The following SUPT20HL1 variants were observed in gnomAD, a reference collection of about 807,000 sequenced individuals.
SUPT20HL1 encodes SUPT20H like 1.
For synonymous variants in SUPT20HL1, 133 were observed against 79.2 expected, an observed-to-expected ratio of 1.68 and a Z score of -3.61; for missense variants, 277 against 200.3, an observed-to-expected ratio of 1.38 and a Z score of -2.31.
rs952187647 is a variant in SUPT20HL1, at chrX:24,361,229, C to G, written c.-1532C>G. Among the ~76,000 whole-genome samples the G allele has an allele frequency of 1.8e-5, 2 of 112,555 alleles. No individual in the cohort carries two copies. Among genetic ancestry groups the G allele is most frequent in the Non-Finnish European group, 3.8e-5 (2 of 53,298 alleles). ...GATTAGCACCCAAAGAAACTACTCC[C>G]ACTCAAATCCTCTCCTCCGGGAATG... On this transcript the variant is annotated 5_prime_UTR_variant, in exon 1 of 1. Coordinates refer to ENST00000686983, the MANE Select transcript of SUPT20HL1 (RefSeq NM_001136234.3).
rs1315769385 is a variant in SUPT20HL1, at chrX:24,365,503, G to GT, written c.*89dup. 0.014 allele frequency: 3,162 copies of GT among 233,568 alleles called. No individual in the cohort carries two copies. The highest frequency in any genetic ancestry group is 0.017 in the Admixed American group (349 of 20,224). The allele number at this position is 233,568 out of a possible 1,213,427, so 19.2% of individuals were successfully genotyped here. On this transcript the variant is annotated 3_prime_UTR_variant, in exon 1 of 1. Coordinates refer to ENST00000686983, the MANE Select transcript of SUPT20HL1 (RefSeq NM_001136234.3). The stretch of plus-strand genomic sequence containing the variant: ...ATTTCCCAGTTTTTACTTGAGTTTT[G>GT]TTTTTTTTTTCATGTTTCGGTATTT...
Position 24,365,184 on chromosome X carries a change from G to A in SUPT20HL1, c.2424G>A (p.Gln808=). The stretch of plus-strand genomic sequence containing the variant: ...CGCAGTGGCAGCCAAAGCCACGGCA[G>A]GAGCAGCCACAGTCGCAGCAGCAGC... ...LQPQWQPKPR[Q]EQPQSQQQQP... Residue 808 remains glutamine, a synonymous_variant, in exon 1 of 1, where the codon CAG becomes CAA. Transcript: ENST00000686983. The A allele has an allele frequency of 2.9e-6, 1 of 349,596 alleles. No individual in the cohort carries two copies. The highest frequency in any genetic ancestry group is 5.7e-6 in the Non-Finnish European group (1 of 174,051). 28.8% of individuals were successfully genotyped at this position (349,596 alleles called of 1,213,427 possible). A position where few individuals can be genotyped will look rare whatever the true frequency, so the allele number is the denominator to read the frequency against.
chrX:24,361,338 C>T lies in SUPT20HL1; in HGVS notation c.-1423C>T, dbSNP rs1939425767. On this transcript the variant is annotated 5_prime_UTR_variant, in exon 1 of 1. Coordinates refer to ENST00000686983, the MANE Select transcript of SUPT20HL1 (RefSeq NM_001136234.3). The stretch of plus-strand genomic sequence containing the variant: ...CCCATGGCAGGGTGGGCAGATATAC[C>T]TCTCTAATAAGTGAGATGCACCCTG... Among the ~76,000 whole-genome samples the T allele has an allele frequency of 8.9e-6, 1 of 112,197 alleles. No individual in the cohort carries two copies. The highest frequency in any genetic ancestry group is 9.4e-5 in the Admixed American group (1 of 10,639).
rs1207577 is a variant in SUPT20HL1 at position 24,363,270 on chromosome X, G to C, written c.510G>C (p.Thr170=). The change falls in exon 1 of 1, where the codon ACG becomes ACC. Residue 170 remains threonine, a synonymous_variant. Coordinates refer to ENST00000686983, the MANE Select transcript of SUPT20HL1 (RefSeq NM_001136234.3). Reference sequence around the variant, plus strand: ...GCAGGCATATTCTTCTACGTCCAACGATGCAGACTTTAGCCCATGATGTGA... The same window carrying C: ...GCAGGCATATTCTTCTACGTCCAACCATGCAGACTTTAGCCCATGATGTGA... The part of the protein sequence containing the change: ...YQSRHILLRP[T]MQTLAHDVKM... The C allele has an allele frequency of 0.4, 152,524 of 382,264 alleles. 21,924 individuals are homozygous for C. Among genetic ancestry groups the C allele is most frequent in the African/African-American group, 0.71 (27,159 of 38,127 alleles). 31.5% of individuals were successfully genotyped at this position (382,264 alleles called of 1,213,427 possible). A position where few individuals can be genotyped will look rare whatever the true frequency, so the allele number is the denominator to read the frequency against.
chrX:24,367,634 C>T lies in SUPT20HL1; in HGVS notation c.*2210C>T, dbSNP rs1170364989. Among the ~76,000 whole-genome samples the T allele has an allele frequency of 3.6e-5, 4 of 112,249 alleles. No individual in the cohort carries two copies. The highest frequency in any genetic ancestry group is 6.5e-5 in the African/African-American group (2 of 30,884). ...ACTTTTAAGAAGCGAACCAGTGCAACGACTGGTTGCAAAGAAGAGTTTCTC... is the reference window on the plus strand; with the variant it reads ...ACTTTTAAGAAGCGAACCAGTGCAATGACTGGTTGCAAAGAAGAGTTTCTC... On this transcript the variant is annotated 3_prime_UTR_variant, in exon 1 of 1. Coordinates refer to ENST00000686983, the MANE Select transcript of SUPT20HL1 (RefSeq NM_001136234.3).
Position 24,364,830 on chromosome X carries a change from G to T in SUPT20HL1, c.2070G>T (p.Pro690=), listed in dbSNP as rs754362622. 5.2e-6 allele frequency: 2 copies of T among 386,795 alleles called. No homozygotes were observed. The highest frequency in any genetic ancestry group is 2.3e-5 in the South Asian group (1 of 42,714). 31.9% of individuals were successfully genotyped at this position (386,795 alleles called of 1,213,427 possible). A position where few individuals can be genotyped will look rare whatever the true frequency, so the allele number is the denominator to read the frequency against. ...GGCCTCTGACACTCCTCCAGGTTCCGCAGGGCTCGGCGGTTCTGACCGGCC... is the reference window on the plus strand; with the variant it reads ...GGCCTCTGACACTCCTCCAGGTTCCTCAGGGCTCGGCGGTTCTGACCGGCC... ...GLRPLTLLQV[P]QGSAVLTGPQ... Residue 690 remains proline (P), a synonymous_variant, in exon 1 of 1, where the codon CCG becomes CCT. Coordinates refer to ENST00000686983, the MANE Select transcript of SUPT20HL1 (RefSeq NM_001136234.3).
chrX:24,365,654 G>A lies in SUPT20HL1; in HGVS notation c.*230G>A, dbSNP rs778578695. ...TCTTTTTGTTGTCATTGCTGCTGTC[G>A]ATATAATTATTTTTAATATAGTGTT... On this transcript the variant is annotated 3_prime_UTR_variant, in exon 1 of 1. Transcript: ENST00000686983. Among the ~76,000 whole-genome samples, 2 of 111,600 alleles carry A rather than the reference G, an allele frequency of 1.8e-5. No individual in the cohort carries two copies. Among genetic ancestry groups the A allele is most frequent in the Admixed American group, 9.5e-5 (1 of 10,542 alleles).
At position 24,365,175 on chromosome X, in the gene SUPT20HL1, G is replaced by C. The variant is rs1939473843; in HGVS notation, c.2415G>C (p.Lys805Asn). 2 of 346,046 alleles carry C rather than the reference G, an allele frequency of 5.8e-6. No individual in the cohort carries two copies. Among genetic ancestry groups the C allele is most frequent in the Non-Finnish European group, 1.2e-5 (2 of 172,678 alleles). The allele number at this position is 346,046 out of a possible 1,213,427, so 28.5% of individuals were successfully genotyped here. ...KLQLQPQWQP[K>N]PRQEQPQSQQ... is the part of the protein sequence containing the mutation. ...AACTGCAACCGCAGTGGCAGCCAAA[G>C]CCACGGCAGGAGCAGCCACAGTCGC... The change falls in exon 1 of 1, where the codon AAG (lysine) becomes AAC (asparagine). Residue 805 changes from lysine (K) to asparagine (N), a missense_variant. Lys to Asn is a moderately conservative substitution (Grantham distance 94, BLOSUM62 0). Transcript: ENST00000686983.
rs930636758 is a variant in SUPT20HL1, at chrX:24,360,816, G to A, written c.-1945G>A. ...TCACTCATCTTCAGTCCTAAATGCAGCAAATGCTGCCGGTGCCCTGTCCAT... is the reference window on the plus strand; with the variant it reads ...TCACTCATCTTCAGTCCTAAATGCAACAAATGCTGCCGGTGCCCTGTCCAT... On this transcript the variant is annotated 5_prime_UTR_variant, in exon 1 of 1. Transcript: ENST00000686983. Among the ~76,000 whole-genome samples the A allele has an allele frequency of 8.9e-6, 1 of 111,796 alleles. No homozygotes were observed. The highest frequency in any genetic ancestry group is 1.9e-5 in the Non-Finnish European group (1 of 53,178).
rs1939479631 is a variant in SUPT20HL1 at position 24,365,726 on chromosome X, G to A, written c.*302G>A. Among the ~76,000 whole-genome samples, 1 of 111,798 alleles carries A rather than the reference G, an allele frequency of 8.9e-6. No homozygotes were observed. Among genetic ancestry groups the A allele is most frequent in the Non-Finnish European group, 1.9e-5 (1 of 53,217 alleles). On this transcript the variant is annotated 3_prime_UTR_variant, in exon 1 of 1. Coordinates refer to ENST00000686983, the MANE Select transcript of SUPT20HL1 (RefSeq NM_001136234.3). ...CAGTTTGAGTCTAAACTCGTGAAAC[G>A]TATAATTTCTCTAAAGCCGTAAAAT...
In SUPT20HL1 at chrX:24,364,604, G is replaced by A; in HGVS notation, c.1844G>A (p.Gly615Asp). Residue 615 changes from glycine (G) to aspartate (D), a missense_variant, in exon 1 of 1, where the codon GGC (glycine) becomes GAC (aspartate). Coordinates refer to ENST00000686983, the MANE Select transcript of SUPT20HL1 (RefSeq NM_001136234.3). Reference sequence around the variant, plus strand: ...GGCCTAAAGGCCATCAATGTGGAGGGCCCAGTCCAGGGAGCCCAGGCTTTG... The same window carrying A: ...GGCCTAAAGGCCATCAATGTGGAGGACCCAGTCCAGGGAGCCCAGGCTTTG... ...STGLKAINVE[G>D]PVQGAQALGS... 1.9e-6 allele frequency: 1 copy of A among 514,651 alleles called. No homozygotes were observed. The highest frequency in any genetic ancestry group is 3.6e-6 in the Non-Finnish European group (1 of 275,235). 42.4% of individuals were successfully genotyped at this position (514,651 alleles called of 1,213,427 possible).
Position 24,367,473 on chromosome X carries a change from T to C in SUPT20HL1, c.*2049T>C, listed in dbSNP as rs914734021. Among the ~76,000 whole-genome samples the C allele has an allele frequency of 9.8e-5, 11 of 112,566 alleles. No homozygotes were observed. The highest frequency in any genetic ancestry group is 3.6e-4 in the African/African-American group (11 of 30,952). ...GAGGCAGGTAACTGGTTAATCTTAC[T>C]TGACAAAACCTATTACTAATGTGCT... On this transcript the variant is annotated 3_prime_UTR_variant, in exon 1 of 1. Transcript: ENST00000686983.
rs1420328330 is a variant in SUPT20HL1, at chrX:24,367,124, T to C, written c.*1700T>C. On this transcript the variant is annotated 3_prime_UTR_variant, in exon 1 of 1. Transcript: ENST00000686983. ...CGGCATAATGTTTTTGAAGTTCATC[T>C]ATGTTGTAAAATGTATTGCTAATTC... 2.7e-5 allele frequency among the ~76,000 whole-genome samples: 3 copies of C among 112,481 alleles called. No homozygotes were observed. Among genetic ancestry groups the C allele is most frequent in the African/African-American group, 9.7e-5 (3 of 30,874 alleles).
In SUPT20HL1 at chrX:24,364,374, A is replaced by AGCT. The variant is rs748810658; in HGVS notation, c.1627_1629dup (p.Ala543dup). ...TAGCTGCTGCTGCTGCTCCTGCTCTAGCTGCTGCTGCTGCTCCTGCTCCTG... is the reference window on the plus strand; with the variant it reads ...TAGCTGCTGCTGCTGCTCCTGCTCTAGCTGCTGCTGCTGCTGCTCCTGCTCCTG... On this transcript the variant is annotated inframe_insertion, in exon 1 of 1. Coordinates refer to ENST00000686983, the MANE Select transcript of SUPT20HL1 (RefSeq NM_001136234.3). The AGCT allele has an allele frequency of 1.8e-6, 1 of 549,264 alleles. No homozygotes were observed. Among genetic ancestry groups the AGCT allele is most frequent in the Admixed American group, 3.3e-5 (1 of 29,851 alleles). 45.3% of individuals were successfully genotyped at this position (549,264 alleles called of 1,213,427 possible).
chrX:24,362,013 A>G lies in SUPT20HL1; in HGVS notation c.-748A>G, dbSNP rs1939430281. Among the ~76,000 whole-genome samples, 1 of 112,486 alleles carries G rather than the reference A, an allele frequency of 8.9e-6. No homozygotes were observed. Among genetic ancestry groups the G allele is most frequent in the Admixed American group, 9.4e-5 (1 of 10,655 alleles). ...TTGCAACTGATGGCAAGAGATTCCA[A>G]AAGTGCCAACAATTGTTGAAGTTTC... On this transcript the variant is annotated 5_prime_UTR_variant, in exon 1 of 1. Transcript: ENST00000686983.
In SUPT20HL1 at chrX:24,361,077, G is replaced by A; in HGVS notation, c.-1684G>A. Reference sequence around the variant, plus strand: ...GACGGGACAATCTGAGGCTTATTCTGTACTGTCTTCCAAGGTCCCCAGCAT... The same window carrying A: ...GACGGGACAATCTGAGGCTTATTCTATACTGTCTTCCAAGGTCCCCAGCAT... On this transcript the variant is annotated 5_prime_UTR_variant, in exon 1 of 1. Transcript: ENST00000686983. Among the ~76,000 whole-genome samples, 1 of 112,460 alleles carries A rather than the reference G, an allele frequency of 8.9e-6. No homozygotes were observed. Among genetic ancestry groups the A allele is most frequent in the Non-Finnish European group, 1.9e-5 (1 of 53,272 alleles).
rs1294095255 is a variant in SUPT20HL1 at position 24,366,408 on chromosome X, T to C, written c.*984T>C. Among the ~76,000 whole-genome samples the C allele has an allele frequency of 8.9e-6, 1 of 112,196 alleles. No individual in the cohort carries two copies. Among genetic ancestry groups the C allele is most frequent in the Non-Finnish European group, 1.9e-5 (1 of 53,263 alleles). ...AATACATGGAAGACCTCTAAAGCTG[T>C]GGAATGGAATTAGTGGCAGATTTGC... On this transcript the variant is annotated 3_prime_UTR_variant, in exon 1 of 1. Coordinates refer to ENST00000686983, the MANE Select transcript of SUPT20HL1 (RefSeq NM_001136234.3).
Position 24,365,943 on chromosome X carries a change from C to T in SUPT20HL1, c.*519C>T, listed in dbSNP as rs982840664. ...ATCCCCACGGTTGTGCCGCAGATCT[C>T]GAGACCATCTTGCAACACTGAAACT... is the stretch of plus-strand genomic sequence containing the variant. On this transcript the variant is annotated 3_prime_UTR_variant, in exon 1 of 1. Coordinates refer to ENST00000686983, the MANE Select transcript of SUPT20HL1 (RefSeq NM_001136234.3). Among the ~76,000 whole-genome samples the T allele has an allele frequency of 2.2e-4, 24 of 111,582 alleles. No homozygotes were observed. Among genetic ancestry groups the T allele is most frequent in the Non-Finnish European group, 3.8e-4 (20 of 53,154 alleles).
chrX:24,362,305 G>A lies in SUPT20HL1; in HGVS notation c.-456G>A, dbSNP rs888410926. Among the ~76,000 whole-genome samples the A allele has an allele frequency of 4.4e-5, 5 of 112,713 alleles. No homozygotes were observed. Among genetic ancestry groups the A allele is most frequent in the African/African-American group, 1.6e-4 (5 of 31,037 alleles). ...GCAGCGAGTGCACATGCGCATAGAC[G>A]GGGCCCAGGAGCTGACCCTGGCCCT... On this transcript the variant is annotated 5_prime_UTR_variant, in exon 1 of 1. Coordinates refer to ENST00000686983, the MANE Select transcript of SUPT20HL1 (RefSeq NM_001136234.3).
Sources: allele counts gnomAD v4.1 joint callset (sites outside exome capture counted in the v4.1 genomes callset), GRCh38; gene constraint gnomAD v4.1.1; transcripts MANE v1.5; gene names NCBI Gene and HGNC (gene_info 2026-07-23, HGNC 2026-07-21).